The following CPED1 variants were observed in gnomAD, a reference collection of about 807,000 sequenced individuals.
The protein encoded by CPED1 is cadherin-like and PC-esterase domain-containing protein 1.
Under a neutral mutation model 128.2 loss-of-function variants are expected in CPED1, and 114 were observed. The observed-to-expected ratio is 0.89, with a 90% CI of 0.76 to 1.04. CPED1 has a LOEUF of 1.04. Among genes scored for constraint, CPED1 ranks in the 50% least tolerant of loss-of-function variants. The probability of loss-of-function intolerance (pLI) is 0.00; values close to 1 mark genes in which losing one functional copy is unlikely to be tolerated. For synonymous variants in CPED1, 462 were observed against 426.7 expected (o/e 1.08, Z -1.02); for missense variants, 1,211 against 1,207.1 (o/e 1.00, Z -0.05).
At chr7:121,062,364 A>G (rs570005145) in intron 4 of CPED1, among the ~76,000 whole-genome samples, 1 of 152,334 alleles carries the variant, frequency 6.6e-6, no homozygotes, top group Non-Finnish European at 1.5e-5. Context: ...AAAACAAACA[A>G]ACAAAAAATC....
intron 7 of CPED1, among the ~76,000 whole-genome samples, chr7:121,124,116 G>A (rs748595697): frequency 6.6e-6 from 1 of 152,074 alleles, no homozygotes; most frequent in Non-Finnish European, 1.5e-5. Flanking sequence ...AATGGAGTAG[G>A]CATTTCTAAA....
chr7:121,138,247 A>C (rs1563041408), intron 14 of CPED1, among the ~76,000 whole-genome samples: 1 of 152,086 alleles, frequency 6.6e-6, no homozygotes, highest in Non-Finnish European at 1.5e-5. Context: ...ATCCATTAAA[A>C]GCGACCAAAA....
intron 16 of CPED1, among the ~76,000 whole-genome samples, chr7:121,157,482 A>T (rs867362012): frequency 5.1e-4 from 77 of 152,134 alleles, no homozygotes; most frequent in African/African-American, 1.8e-3. Flanking sequence ...TAGCTGTAGG[A>T]TTGACCAGTA....
At chr7:121,185,947 C>A (rs960691502) in intron 16 of CPED1, among the ~76,000 whole-genome samples, 1 of 152,140 alleles carries the variant, frequency 6.6e-6, no homozygotes, top group African/African-American at 2.4e-5. Context: ...AAATGTTTTG[C>A]AAACAACTGA....
Position 121,140,957 on chromosome 7 carries a change from A to G in CPED1, c.1830A>G (p.Gly610=), listed in dbSNP as rs181659892. 5.6e-6 allele frequency: 9 copies of G among 1,612,630 alleles called. No individual in the cohort carries two copies. The African/African-American group carries it at 1.1e-4, about 19-fold the overall frequency. ...VPFDVVTVTI[G]VETPKCLCKV... is the part of the protein sequence containing the mutation. Reference sequence around the variant, plus strand: ...TTGATGTGGTAACAGTGACAATTGGAGTGGAAACTCCTAAGTGTCTGTGCA... The same window carrying G: ...TTGATGTGGTAACAGTGACAATTGGGGTGGAAACTCCTAAGTGTCTGTGCA... Residue 610 remains glycine (G), a synonymous_variant, in exon 15 of 23, where the codon GGA becomes GGG. Coordinates refer to ENST00000310396, the MANE Select transcript of CPED1 (RefSeq NM_024913.5).
chr7:121,078,033 T>C (rs989888385), intron 5 of CPED1, among the ~76,000 whole-genome samples: 2 of 151,064 alleles, frequency 1.3e-5, no homozygotes, highest in African/African-American at 2.5e-5. Context: ...CATACTACTA[T>C]ATGATTTGTA....
chr7:121,135,928 A>G, intron 13 of CPED1, 112 bp from the exon 14 acceptor site: 1 of 806,518 alleles, frequency 1.2e-6, no homozygotes, highest in Non-Finnish European at 1.8e-6. Flanking sequence ...CACTAGTATA[A>G]TAAAAGTTAA....
intron 16 of CPED1, among the ~76,000 whole-genome samples, chr7:121,212,091 A>C (rs547024773): frequency 6.6e-6 from 1 of 152,150 alleles, no homozygotes; most frequent in East Asian, 1.9e-4. Context: ...CCAACACCTT[A>C]CTGGGCATGC....
Position 121,256,111 on chromosome 7 carries a change from C to CAAAAAAAAAAAAAAAAAAAAAA in CPED1, c.2311-10104_2311-10103insAAAAAAAAAAAAAAAAAAAAAA, listed in dbSNP as rs1286167648. 2.9e-4 allele frequency among the ~76,000 whole-genome samples: 10 copies of CAAAAAAAAAAAAAAAAAAAAAA among 34,146 alleles called. 1 individual carries two copies. Among genetic ancestry groups the CAAAAAAAAAAAAAAAAAAAAAA allele is most frequent in the African/African-American group, 5.5e-4 (5 of 9,120 alleles). 22.4% of individuals were successfully genotyped at this position (34,146 alleles called of 152,430 possible). A position where few individuals can be genotyped will look rare whatever the true frequency, so the allele number is the denominator to read the frequency against. ...CCCTAATAGTTAAAGCAATCCTAAGCAAAAAAAAAAAACAAAACAAAAAAA... is the reference window on the plus strand; with the variant it reads ...CCCTAATAGTTAAAGCAATCCTAAGCAAAAAAAAAAAAAAAAAAAAAAAAAAAAAAAAAACAAAACAAAAAAA... On this transcript the variant is annotated intron_variant, in intron 18 of 22. Transcript: ENST00000310396.
intron 2 of CPED1, among the ~76,000 whole-genome samples, chr7:121,009,990 G>C (rs145722993): frequency 2.8e-4 from 42 of 152,218 alleles, no homozygotes; most frequent in Middle Eastern, 3.4e-3. Flanking sequence ...TCATTCATTT[G>C]CTCATTTATT....
chr7:121,046,010 T>C (rs920171350), intron 3 of CPED1, among the ~76,000 whole-genome samples: 8 of 152,060 alleles, frequency 5.3e-5, no homozygotes, highest in Admixed American at 4.6e-4. Context: ...CAATTATATG[T>C]AGGGCATGTG....
intron 5 of CPED1, among the ~76,000 whole-genome samples, chr7:121,079,961 C>A (rs73215348): frequency 0.098 from 14,976 of 152,186 alleles, 814 homozygotes; most frequent in Middle Eastern, 0.16. Context: ...TAGACCAAAA[C>A]TGAAGAAGTG....
intron 16 of CPED1, among the ~76,000 whole-genome samples, chr7:121,162,056 A>G (rs572682206): frequency 2.8e-4 from 42 of 152,338 alleles, no homozygotes; most frequent in African/African-American, 9.9e-4. Flanking sequence ...TGTGATGGGC[A>G]GTATCATCAC....
chr7:121,045,622 C>A (rs898811394), intron 3 of CPED1, among the ~76,000 whole-genome samples: 1 of 152,004 alleles, frequency 6.6e-6, no homozygotes, highest in Non-Finnish European at 1.5e-5. Context: ...TACTTTGTAG[C>A]CTTTTAGAAG....
At position 121,065,996 on chromosome 7, in the gene CPED1, G is replaced by A. The variant is rs140810689; in HGVS notation, c.616+1683G>A. On this transcript the variant is annotated intron_variant, in intron 5 of 22. Coordinates refer to ENST00000310396, the MANE Select transcript of CPED1 (RefSeq NM_024913.5). ...TTTTCTGATCTAAGTTTTATAAAGC[G>A]TAGCTTTTGTTGTAGACTGTTGGTA... Among the ~76,000 whole-genome samples, 31 of 152,116 alleles carry A rather than the reference G, an allele frequency of 2.0e-4. No individual in the cohort carries two copies. The East Asian group carries it at 2.5e-3, about 12-fold the overall frequency.
chr7:121,255,131 C>T (rs1798773600), intron 18 of CPED1, among the ~76,000 whole-genome samples: 1 of 152,000 alleles, frequency 6.6e-6, no homozygotes, highest in South Asian at 2.1e-4. Context: ...GCCCAGTTTG[C>T]CTGATGAACA....
At chr7:121,000,159 C>T (rs1791799311) in intron 2 of CPED1, among the ~76,000 whole-genome samples, 1 of 152,102 alleles carries the variant, frequency 6.6e-6, no homozygotes, top group Non-Finnish European at 1.5e-5. Flanking sequence ...GTTTCGTTTT[C>T]CCCCTTGGCT....
intron 4 of CPED1, chr7:121,050,936 C>T (rs1793335484): frequency 1.6e-5 from 8 of 492,914 alleles, no homozygotes; most frequent in South Asian, 1.1e-4. Flanking sequence ...CATGAAGGGA[C>T]CATCAAGGAA....
At chr7:121,234,899 T>C (rs1013827661) in intron 16 of CPED1, among the ~76,000 whole-genome samples, 2 of 152,170 alleles carry the variant, frequency 1.3e-5, no homozygotes, top group African/African-American at 4.8e-5. Flanking sequence ...ATCTCCATGT[T>C]ACTTAGTCCA....
Sources: allele counts gnomAD v4.1 joint callset (sites outside exome capture counted in the v4.1 genomes callset), GRCh38; gene constraint gnomAD v4.1.1; transcripts MANE v1.5; gene names NCBI Gene and HGNC (gene_info 2026-07-23, HGNC 2026-07-21).